The following ATF7IP variants were observed in gnomAD, a reference collection of about 807,000 sequenced individuals.
The protein encoded by ATF7IP is activating transcription factor 7-interacting protein 1.
Under a neutral mutation model 106.4 loss-of-function variants are expected in ATF7IP, and 23 were observed. That is an observed-to-expected ratio of 0.22 (90% CI 0.16 to 0.31). ATF7IP has a LOEUF of 0.31. Ranked by LOEUF, ATF7IP falls within the 10% of genes least tolerant of loss-of-function variation. The probability of loss-of-function intolerance (pLI) is 1.00; values close to 1 mark genes in which losing one functional copy is unlikely to be tolerated. For missense variants in ATF7IP, 1,334 were observed against 1,524.3 expected (o/e 0.88, Z 2.08); for synonymous variants, 542 against 539.0 (o/e 1.01, Z -0.08).
In ATF7IP at chr12:14,460,515, A is replaced by G; in HGVS notation, c.2179A>G (p.Thr727Ala). 2 of 1,613,228 alleles carry G rather than the reference A, an allele frequency of 1.2e-6. No individual in the cohort carries two copies. Among genetic ancestry groups the G allele is most frequent in the Non-Finnish European group, 1.7e-6 (2 of 1,179,496 alleles). Residue 727 changes from threonine (T) to alanine (A), a missense_variant, in exon 9 of 15, where the codon ACT (threonine) becomes GCT (alanine). Thr to Ala is a moderately conservative substitution (Grantham distance 58). Coordinates refer to ENST00000261168, the MANE Select transcript of ATF7IP (RefSeq NM_018179.5). ...TATAGTATCTTCAACCAATCTTGTCACTCCTCCAGCAGTTGTCAGTAGTCA... is the reference window on the plus strand; with the variant it reads ...TATAGTATCTTCAACCAATCTTGTCGCTCCTCCAGCAGTTGTCAGTAGTCA... The part of the protein sequence containing the change: ...VNTVSSTNLV[T>A]PPAVVSSQPK...
At chr12:14,420,177 G>A (rs1941422197) in intron 1 of ATF7IP, 2 of 152,176 alleles carry the variant, frequency 1.3e-5, no homozygotes, top group Admixed American at 1.3e-4. Flanking sequence ...TAGGATTTGA[G>A]TATAGTATAG....
intron 1 of ATF7IP, among the ~76,000 whole-genome samples, chr12:14,397,087 G>A (rs531376873): frequency 3.9e-5 from 6 of 152,254 alleles, no homozygotes; most frequent in East Asian, 1.9e-4. Flanking sequence ...GCTTGAATCC[G>A]GGAGGCGGAG....
intron 9 of ATF7IP, among the ~76,000 whole-genome samples, chr12:14,463,650 G>T (rs1449313679): frequency 6.6e-6 from 1 of 152,126 alleles, no homozygotes; most frequent in African/African-American, 2.4e-5. Flanking sequence ...TTTGTAGGGG[G>T]TAATGTGACA....
At chr12:14,388,859 C>T (rs749767674) in intron 1 of ATF7IP, among the ~76,000 whole-genome samples, 14 of 152,104 alleles carry the variant, frequency 9.2e-5, no homozygotes, top group Non-Finnish European at 1.3e-4. Flanking sequence ...AAGCTGGTCT[C>T]GAACTCCTGG....
At chr12:14,437,910 G>A (rs189256507) in intron 4 of ATF7IP, among the ~76,000 whole-genome samples, 2,587 of 151,958 alleles carry the variant, frequency 0.017, 72 homozygotes, top group African/African-American at 0.059. Flanking sequence ...AAAATTAGCC[G>A]GGCGTAGTGG....
intron 1 of ATF7IP, among the ~76,000 whole-genome samples, chr12:14,370,006 C>G (rs1938469473): frequency 6.6e-6 from 1 of 151,390 alleles, no homozygotes; most frequent in Non-Finnish European, 1.5e-5. Flanking sequence ...GGCACGATCT[C>G]AGCTCACCGC....
intron 1 of ATF7IP, among the ~76,000 whole-genome samples, chr12:14,378,453 T>C (rs1471333126): frequency 6.6e-6 from 1 of 152,224 alleles, no homozygotes; most frequent in Non-Finnish European, 1.5e-5. Context: ...GTGGCTTCTT[T>C]AGCTTATAAC....
At chr12:14,378,102 T>TTC in intron 1 of ATF7IP, among the ~76,000 whole-genome samples, 1 of 145,194 alleles carries the variant, frequency 6.9e-6, no homozygotes, top group East Asian at 2.0e-4. Context: ...TTCTTTTTCT[T>TTC]TTTTTTTTTT....
At chr12:14,483,046 A>G (rs922069250) in intron 13 of ATF7IP, among the ~76,000 whole-genome samples, 19 of 152,168 alleles carry the variant, frequency 1.2e-4, no homozygotes, top group African/African-American at 4.6e-4. Flanking sequence ...TTAGCAAAAG[A>G]AGGAGGAAAT....
At chr12:14,471,850 A>G (rs1944056804) in intron 10 of ATF7IP, among the ~76,000 whole-genome samples, 1 of 152,120 alleles carries the variant, frequency 6.6e-6, no homozygotes, top group African/African-American at 2.4e-5. Flanking sequence ...GGGTGGAGAC[A>G]TAGCCAAACC....
rs568516717 is a variant in ATF7IP, at chr12:14,409,794, A to G, written c.-7-14115A>G. On this transcript the variant is annotated intron_variant, in intron 1 of 14. Transcript: ENST00000261168. ...ATGTGAACGCTCTAAAGTATAAACC[A>G]ACACTCGGTTCTCTTGGTATAGTTG... Among the ~76,000 whole-genome samples the G allele has an allele frequency of 9.4e-4, 143 of 152,226 alleles. 1 individual carries two copies. Among genetic ancestry groups the G allele is most frequent in the Admixed American group, 4.6e-3 (71 of 15,276 alleles).
At chr12:14,462,639 T>G (rs960219237) in intron 9 of ATF7IP, among the ~76,000 whole-genome samples, 2 of 152,044 alleles carry the variant, frequency 1.3e-5, no homozygotes, top group African/African-American at 4.8e-5. Flanking sequence ...CATTATTCTG[T>G]TCTCTTACAA....
At chr12:14,495,405 C>T (rs1944983018) in intron 13 of ATF7IP, among the ~76,000 whole-genome samples, 1 of 152,038 alleles carries the variant, frequency 6.6e-6, no homozygotes. Flanking sequence ...GATTGGAGTC[C>T]CTGGATCATA....
At chr12:14,370,363 A>G (rs925065152) in intron 1 of ATF7IP, among the ~76,000 whole-genome samples, 23 of 152,152 alleles carry the variant, frequency 1.5e-4, no homozygotes, top group Admixed American at 1.2e-3. Flanking sequence ...GCATTATTGC[A>G]TTGTTTTATT....
In ATF7IP at chr12:14,425,181, T is replaced by C. The variant is rs1941774534; in HGVS notation, c.1266T>C (p.Asn422=). Reference sequence around the variant, plus strand: ...TTATTGAAGATAACAAAAGTGAGAATATCTTAGAAAATACAGACTCTATGG... The same window carrying C: ...TTATTGAAGATAACAAAAGTGAGAACATCTTAGAAAATACAGACTCTATGG... ...ENVIEDNKSE[N]ILENTDSMET... Residue 422 remains asparagine, a synonymous_variant, in exon 2 of 15, where the codon AAT becomes AAC. Coordinates refer to ENST00000261168, the MANE Select transcript of ATF7IP (RefSeq NM_018179.5). 6.3e-7 allele frequency: 1 copy of C among 1,596,106 alleles called. No individual in the cohort carries two copies. Among genetic ancestry groups the C allele is most frequent in the Non-Finnish European group, 8.5e-7 (1 of 1,174,990 alleles).
intron 1 of ATF7IP, among the ~76,000 whole-genome samples, chr12:14,377,379 G>T (rs112760847): frequency 0.025 from 3,251 of 131,070 alleles, 114 homozygotes; most frequent in African/African-American, 0.086. Flanking sequence ...TTTTTGAGAC[G>T]TTGTCTTGCT....
chr12:14,411,165 A>G (rs1052152361), intron 1 of ATF7IP, among the ~76,000 whole-genome samples: 1 of 152,212 alleles, frequency 6.6e-6, no homozygotes, highest in African/African-American at 2.4e-5. Flanking sequence ...TTGCTGGATC[A>G]TATGGCAACT....
intron 2 of ATF7IP, among the ~76,000 whole-genome samples, chr12:14,428,339 C>G (rs529981283): frequency 1.3e-5 from 2 of 152,258 alleles, no homozygotes; most frequent in South Asian, 4.1e-4. Context: ...TGCCTTTAAT[C>G]TGATGGTATG....
At chr12:14,451,225 A>G (rs1357623857) in intron 6 of ATF7IP, among the ~76,000 whole-genome samples, 1 of 152,034 alleles carries the variant, frequency 6.6e-6, no homozygotes, top group East Asian at 1.9e-4. Flanking sequence ...CCATTTATGT[A>G]GCATCAGTTC....
Sources: allele counts gnomAD v4.1 joint callset (sites outside exome capture counted in the v4.1 genomes callset), GRCh38; gene constraint gnomAD v4.1.1; transcripts MANE v1.5; gene names NCBI Gene and HGNC (gene_info 2026-07-23, HGNC 2026-07-21).